UVRAG: variants seen among roughly 807,000 people sequenced by gnomAD.
UVRAG encodes the protein UV radiation resistance-associated gene protein.
UVRAG carries 19 observed loss-of-function variants against 78.0 expected under a neutral mutation model. That is an observed-to-expected ratio of 0.24 (90% CI 0.17 to 0.36). The LOEUF (loss-of-function observed/expected upper bound fraction) is 0.36. Among genes scored for constraint, UVRAG ranks in the 10% least tolerant of loss-of-function variants. The pLI, the probability that UVRAG is intolerant of heterozygous loss-of-function variation, is 1.00. For missense variants in UVRAG, 740 were observed against 853.8 expected (o/e 0.87, Z 1.66); for synonymous variants, 323 against 324.6 (o/e 1.00, Z 0.05).
chr11:75,946,901 A>T (rs1948598391), intron 6 of UVRAG, among the ~76,000 whole-genome samples: 1 of 152,154 alleles, frequency 6.6e-6, no homozygotes, highest in African/African-American at 2.4e-5. Context: ...AACAACAGAC[A>T]TTTATTTTCT....
chr11:76,075,427 A>T (rs1051295006), intron 13 of UVRAG, among the ~76,000 whole-genome samples: 8 of 152,072 alleles, frequency 5.3e-5, no homozygotes, highest in Non-Finnish European at 7.4e-5. Flanking sequence ...CCTGGCCAAC[A>T]TGGTGAAACC....
At chr11:75,861,617 G>A (rs1590944949) in intron 2 of UVRAG, 129 bp from the exon 3 acceptor site, 2 of 623,222 alleles carry the variant, frequency 3.2e-6, no homozygotes, top group East Asian at 5.9e-5. Context: ...GATATAGAGA[G>A]AATAAATCCC....
chr11:75,855,005 A>C (rs2134758346), intron 2 of UVRAG, among the ~76,000 whole-genome samples: 1 of 152,298 alleles, frequency 6.6e-6, no homozygotes, highest in Admixed American at 6.5e-5. Flanking sequence ...AATTAACACC[A>C]GTACTTAGCG....
chr11:75,940,079 A>G (rs941132641), intron 6 of UVRAG, among the ~76,000 whole-genome samples: 1 of 152,216 alleles, frequency 6.6e-6, no homozygotes, highest in Non-Finnish European at 1.5e-5. Context: ...AATTTCAGTA[A>G]TAAGGCTATT....
chr11:75,973,382 C>T lies in UVRAG; in HGVS notation c.700-10005C>T, dbSNP rs76756307. 8.5e-3 allele frequency among the ~76,000 whole-genome samples: 1,288 copies of T among 152,264 alleles called. 23 individuals carry two copies. The highest frequency in any genetic ancestry group is 0.029 in the African/African-American group (1,218 of 41,530). ...GAATGTTGAACCAACCTTGCCTACC[C>T]GGGATAAATTACATGTTGCCATGTT... On this transcript the variant is annotated intron_variant, in intron 7 of 14. Coordinates refer to ENST00000356136, the MANE Select transcript of UVRAG (RefSeq NM_003369.4).
At chr11:75,845,790 C>T (rs1199841182) in intron 1 of UVRAG, among the ~76,000 whole-genome samples, 2 of 151,916 alleles carry the variant, frequency 1.3e-5, no homozygotes, top group Non-Finnish European at 2.9e-5. Context: ...TATCTGTACC[C>T]CAAACCCTGA....
At chr11:75,896,127 G>A (rs1029047574) in intron 5 of UVRAG, among the ~76,000 whole-genome samples, 1 of 152,222 alleles carries the variant, frequency 6.6e-6, no homozygotes, top group Admixed American at 6.5e-5. Flanking sequence ...AATTTGAAGA[G>A]CACTTCAGGA....
At chr11:75,878,190 G>A (rs1442480889) in intron 3 of UVRAG, among the ~76,000 whole-genome samples, 1 of 151,370 alleles carries the variant, frequency 6.6e-6, no homozygotes, top group African/African-American at 2.4e-5. Flanking sequence ...ACGGGGTCAC[G>A]GCCGGGCAGA....
At chr11:76,079,758 T>C (rs1951464683) in intron 13 of UVRAG, among the ~76,000 whole-genome samples, 1 of 152,214 alleles carries the variant, frequency 6.6e-6, no homozygotes, top group Non-Finnish European at 1.5e-5. Context: ...GCCTTTGATT[T>C]AGTAGTTCAT....
At chr11:75,823,890 A>G (rs779845149) in intron 1 of UVRAG, among the ~76,000 whole-genome samples, 1 of 152,334 alleles carries the variant, frequency 6.6e-6, no homozygotes, top group Middle Eastern at 3.4e-3. Flanking sequence ...AAAGAGAACA[A>G]GGAAAGATTG....
At chr11:75,949,704 T>TACACACACACACACACACACATATACAC in intron 6 of UVRAG, among the ~76,000 whole-genome samples, 2 of 143,118 alleles carry the variant, frequency 1.4e-5, no homozygotes, top group African/African-American at 5.7e-5. Flanking sequence ...TATATATATA[T>TACACACACACACACACACACATATACAC]ATATATATAT....
chr11:75,969,394 A>G (rs1307495727), intron 7 of UVRAG, among the ~76,000 whole-genome samples: 2 of 152,168 alleles, frequency 1.3e-5, no homozygotes, highest in Non-Finnish European at 2.9e-5. Flanking sequence ...TCATTTATTG[A>G]TAGACACTGG....
chr11:75,962,728 C>CAGA (rs1591067464), intron 7 of UVRAG, among the ~76,000 whole-genome samples: 1 of 152,068 alleles, frequency 6.6e-6, no homozygotes, highest in East Asian at 1.9e-4. Flanking sequence ...AATTTTAATT[C>CAGA]TTTCTGTAGT....
intron 3 of UVRAG, among the ~76,000 whole-genome samples, chr11:75,874,912 G>T (rs1394920819): frequency 6.6e-6 from 1 of 152,176 alleles, no homozygotes; most frequent in Non-Finnish European, 1.5e-5. Flanking sequence ...CTGAAGCTAC[G>T]TGATTCTTTA....
intron 6 of UVRAG, among the ~76,000 whole-genome samples, chr11:75,938,440 ATTGT>A (rs767261511): frequency 7.2e-5 from 11 of 152,084 alleles, no homozygotes; most frequent in Non-Finnish European, 1.2e-4. Context: ...ATTTTACCTT[ATTGT>A]TTGTTGGATA....
chr11:75,857,543 G>A (rs1002065470), intron 2 of UVRAG, among the ~76,000 whole-genome samples: 6 of 150,212 alleles, frequency 4.0e-5, no homozygotes, highest in African/African-American at 1.5e-4. Flanking sequence ...AGGCTGGAGT[G>A]CAGTGGTGCA....
intron 12 of UVRAG, among the ~76,000 whole-genome samples, chr11:76,021,047 C>T (rs1465141709): frequency 6.6e-6 from 1 of 152,158 alleles, no homozygotes; most frequent in East Asian, 1.9e-4. Context: ...CTCTCCCTCC[C>T]TCAAGAGCAC....
intron 13 of UVRAG, among the ~76,000 whole-genome samples, chr11:76,104,338 G>A (rs1951933949): frequency 1.3e-5 from 2 of 152,078 alleles, no homozygotes. Context: ...CAAAGTGCTA[G>A]GATTCAGACA....
At chr11:75,965,670 G>A (rs1178465312) in intron 7 of UVRAG, among the ~76,000 whole-genome samples, 1 of 152,100 alleles carries the variant, frequency 6.6e-6, no homozygotes, top group Non-Finnish European at 1.5e-5. Context: ...GAGTTTTTTG[G>A]CAGGGGAGGC....
Sources: allele counts gnomAD v4.1 joint callset (sites outside exome capture counted in the v4.1 genomes callset), GRCh38; gene constraint gnomAD v4.1.1; transcripts MANE v1.5; gene names NCBI Gene and HGNC (gene_info 2026-07-23, HGNC 2026-07-21).